Variants in PICALM observed in about 807,000 individuals in gnomAD.
PICALM encodes the protein phosphatidylinositol-binding clathrin assembly protein.
A neutral mutation model predicts 80.5 loss-of-function variants in PICALM; 40 were observed. The observed-to-expected ratio is 0.50, with a 90% CI of 0.39 to 0.65. The LOEUF is 0.65. PICALM is among the 30% of genes least tolerant of loss of function. PICALM has a pLI of 0.00. For missense variants in PICALM, 676 were observed against 778.9 expected (o/e 0.87, Z 1.57); for synonymous variants, 288 against 260.3 (o/e 1.11, Z -1.02).
intron 1 of PICALM, among the ~76,000 whole-genome samples, chr11:86,039,868 G>T (rs1795586503): frequency 6.6e-6 from 1 of 151,974 alleles, no homozygotes; most frequent in South Asian, 2.1e-4. Flanking sequence ...GCTGGGCATG[G>T]TGGCGGGAGC....
At chr11:86,025,565 G>A (rs772950431) in intron 3 of PICALM, among the ~76,000 whole-genome samples, 61 of 151,232 alleles carry the variant, frequency 4.0e-4, no homozygotes, top group Non-Finnish European at 6.8e-4. Context: ...TTCTTTTTTT[G>A]TTTGTTTTTT....
intron 13 of PICALM, among the ~76,000 whole-genome samples, chr11:85,984,831 G>C (rs978862456): frequency 2.6e-5 from 4 of 152,136 alleles, no homozygotes; most frequent in Non-Finnish European, 5.9e-5. Context: ...TTATATTTAA[G>C]TAAGGTTCTG....
At chr11:85,978,075 G>C in intron 17 of PICALM, 1 of 1,612,872 alleles carries the variant, frequency 6.2e-7, no homozygotes, top group East Asian at 2.2e-5. Context: ...CTTACGTATT[G>C]TGGAAAATGC....
In PICALM at chr11:85,974,713, C is replaced by A; in HGVS notation, c.1939G>T (p.Ala647Ser). 1.9e-6 allele frequency: 3 copies of A among 1,596,136 alleles called. No homozygotes were observed. The highest frequency in any genetic ancestry group is 1.3e-5 in the African/African-American group (1 of 74,654). ...PPNPFGPVSG[A>S]QIQFM ...TTACATGTAGTGTGTAATACCTGTGCTCCTGATACAGGGCCAAAGGGGTTT... is the reference window on the plus strand; with the variant it reads ...TTACATGTAGTGTGTAATACCTGTGATCCTGATACAGGGCCAAAGGGGTTT... Residue 647 changes from alanine (A) to serine (S), a missense_variant, in exon 19 of 20, where the codon GCA (alanine) becomes TCA (serine). Physicochemically the swap from Ala to Ser is moderately conservative, Grantham distance 99 (BLOSUM62 1). Coordinates refer to ENST00000393346, the MANE Select transcript of PICALM (RefSeq NM_007166.4).
At position 86,026,390 on chromosome 11, in the gene PICALM, T is replaced by C. The variant is rs927681522; in HGVS notation, c.274-23A>G. 2.7e-6 allele frequency: 4 copies of C among 1,457,718 alleles called. No homozygotes were observed. The Admixed American group carries it at 6.9e-5, about 25-fold the overall frequency. 90.3% of individuals were successfully genotyped at this position (1,457,718 alleles called of 1,614,324 possible). On this transcript the variant is annotated intron_variant, in intron 2 of 19. Transcript: ENST00000393346. ...ACGCTGGAAAAAAAAAATTACATCATATTAAGGTACTGCCATCTCACCAAC... is the reference window on the plus strand; with the variant it reads ...ACGCTGGAAAAAAAAAATTACATCACATTAAGGTACTGCCATCTCACCAAC...
intron 1 of PICALM, 101 bp downstream of exon 1, chr11:86,068,550 G>T: frequency 8.9e-7 from 1 of 1,127,956 alleles, no homozygotes; most frequent in Non-Finnish European, 1.2e-6. Context: ...GACGCAGGGA[G>T]GGAAGAGGCA....
chr11:86,009,056 G>C (rs1163484880), intron 7 of PICALM, among the ~76,000 whole-genome samples: 1 of 151,402 alleles, frequency 6.6e-6, no homozygotes, highest in Admixed American at 6.6e-5. Context: ...TATAATCAGA[G>C]CACTTTGGGA....
intron 19 of PICALM, among the ~76,000 whole-genome samples, chr11:85,970,919 A>C (rs1169956915): frequency 6.6e-6 from 1 of 152,234 alleles, no homozygotes; most frequent in Non-Finnish European, 1.5e-5. Flanking sequence ...GGGGAGGCAG[A>C]GAACATGAGT....
rs1371070525 is a variant in PICALM, at chr11:85,957,354, C to G, written c.*1692G>C. Among the ~76,000 whole-genome samples, 1 of 152,178 alleles carries G rather than the reference C, an allele frequency of 6.6e-6. No homozygotes were observed. The highest frequency in any genetic ancestry group is 1.5e-5 in the Non-Finnish European group (1 of 68,028). On this transcript the variant is annotated 3_prime_UTR_variant, in exon 20 of 20. Transcript: ENST00000393346. ...TACTAAATAGGCAATATGATACAATCAAAGGTTTCTTTGGCAGACATAATT... is the reference window on the plus strand; with the variant it reads ...TACTAAATAGGCAATATGATACAATGAAAGGTTTCTTTGGCAGACATAATT...
chr11:86,005,638 G>A (rs981448074), intron 8 of PICALM, among the ~76,000 whole-genome samples: 1 of 152,142 alleles, frequency 6.6e-6, no homozygotes, highest in African/African-American at 2.4e-5. Flanking sequence ...CTGGGAGGGT[G>A]AGGATGCAGT....
intron 19 of PICALM, among the ~76,000 whole-genome samples, chr11:85,966,792 G>A (rs967041926): frequency 6.6e-6 from 1 of 152,158 alleles, no homozygotes; most frequent in Non-Finnish European, 1.5e-5. Flanking sequence ...CCCATAGAGA[G>A]AATGCCATGT....
chr11:86,029,718 TAAAG>T (rs2095715577), intron 2 of PICALM, among the ~76,000 whole-genome samples: 1 of 152,158 alleles, frequency 6.6e-6, no homozygotes, highest in Non-Finnish European at 1.5e-5. Context: ...ATCAAATAAA[TAAAG>T]AAGAAGAAGA....
At chr11:85,981,814 G>A (rs757538611) in intron 15 of PICALM, 39 bp from the exon 16 acceptor site, 30 of 1,610,486 alleles carry the variant, frequency 1.9e-5, no homozygotes, top group Middle Eastern at 3.3e-4. Flanking sequence ...TTTATAACAC[G>A]AGACGCAGTT....
At position 86,068,513 on chromosome 11, in the gene PICALM, G is replaced by T. The variant is rs371539807; in HGVS notation, c.130+138C>A. 4 of 744,408 alleles carry T rather than the reference G, an allele frequency of 5.4e-6. No homozygotes were observed. The South Asian group carries it at 5.6e-5, about 11-fold the overall frequency. 46.1% of individuals were successfully genotyped at this position (744,408 alleles called of 1,614,324 possible). ...TGGAAGCAAAAGAACACAGCTCAAC[G>T]GGCACAGGACCGGCCGTGCCAGAGA... On this transcript the variant is annotated intron_variant, in intron 1 of 19. Coordinates refer to ENST00000393346, the MANE Select transcript of PICALM (RefSeq NM_007166.4).
chr11:86,030,996 TA>T (rs1237116855), intron 2 of PICALM, among the ~76,000 whole-genome samples: 8 of 152,256 alleles, frequency 5.3e-5, no homozygotes, highest in African/African-American at 1.7e-4. Context: ...CACACACTTG[TA>T]ATCCCAGCTA....
At chr11:86,065,894 G>A (rs769970198) in intron 1 of PICALM, among the ~76,000 whole-genome samples, 9 of 152,210 alleles carry the variant, frequency 5.9e-5, no homozygotes, top group South Asian at 4.1e-4. Context: ...GAAACTGACA[G>A]AAACCACCTC....
chr11:85,995,851 A>T (rs2094942691), intron 12 of PICALM, among the ~76,000 whole-genome samples: 1 of 152,144 alleles, frequency 6.6e-6, no homozygotes, highest in Admixed American at 6.5e-5. Flanking sequence ...AAAATACTTA[A>T]CTTTAAACTA....
chr11:85,999,228 T>C (rs547195303), intron 11 of PICALM, among the ~76,000 whole-genome samples: 3 of 152,210 alleles, frequency 2.0e-5, no homozygotes, highest in Non-Finnish European at 2.9e-5. Flanking sequence ...GACATGTCTT[T>C]TAGATGTACA....
At chr11:86,049,212 G>A (rs1364457345) in intron 1 of PICALM, among the ~76,000 whole-genome samples, 2 of 152,166 alleles carry the variant, frequency 1.3e-5, no homozygotes, top group East Asian at 3.8e-4. Flanking sequence ...GAGAATCACT[G>A]GAACCCAGTG....
Sources: gnomAD v4.1 joint callset for allele counts (sites outside exome capture counted in the v4.1 genomes callset) on GRCh38, gnomAD v4.1.1 for gene constraint, MANE v1.5 for transcripts, NCBI Gene and HGNC (gene_info 2026-07-23, HGNC 2026-07-21) for gene names.